The following INPP5A variants were observed in gnomAD, a reference collection of about 807,000 sequenced individuals.
The protein encoded by INPP5A is 43 kDa inositol polyphosphate 5-phophatase.
A neutral mutation model predicts 65.2 loss-of-function variants in INPP5A; 14 were observed. The ratio of observed to expected loss-of-function variants is 0.21; its 90% CI spans 0.14 to 0.34. The LOEUF is 0.34. Among genes scored for constraint, INPP5A ranks in the 10% least tolerant of loss-of-function variants. The probability of loss-of-function intolerance (pLI) is 1.00; values close to 1 mark genes in which losing one functional copy is unlikely to be tolerated. For missense variants in INPP5A, 431 were observed against 545.6 expected (o/e 0.79, Z 2.09); for synonymous variants, 207 against 208.3 (o/e 0.99, Z 0.05).
In INPP5A at chr10:132,676,558, A is replaced by G. The variant is rs1204678570; in HGVS notation, c.307-13834A>G. ...AGGTCCATGATAATGGGCTGAACAC[A>G]AGCAGGTGACTGTGTGGGACAGGGC... On this transcript the variant is annotated intron_variant, in intron 4 of 15. Coordinates refer to ENST00000368594, the MANE Select transcript of INPP5A (RefSeq NM_005539.5). The surrounding 1 kb of genome is among the most constrained non-coding windows in gnomAD (Gnocchi z 4.0). Among the ~76,000 whole-genome samples the G allele has an allele frequency of 6.6e-6, 1 of 152,166 alleles. No individual in the cohort carries two copies. Among genetic ancestry groups the G allele is most frequent in the East Asian group, 1.9e-4 (1 of 5,186 alleles).
At chr10:132,629,696 C>T (rs959083846) in intron 2 of INPP5A, among the ~76,000 whole-genome samples, 7 of 152,238 alleles carry the variant, frequency 4.6e-5, no homozygotes, top group East Asian at 1.9e-4. Context: ...GCATTCCACA[C>T]GTGAGCATCC....
At chr10:132,539,080 C>CCCTGAATCCTGAAT (rs1443713437) in intron 1 of INPP5A, among the ~76,000 whole-genome samples, 3 of 152,162 alleles carry the variant, frequency 2.0e-5, no homozygotes, top group East Asian at 3.9e-4. Flanking sequence ...AAGCTCCTGC[C>CCCTGAATCCTGAAT]CCTGAATCCT....
chr10:132,639,460 T>A (rs182580779), intron 2 of INPP5A, among the ~76,000 whole-genome samples: 1 of 152,334 alleles, frequency 6.6e-6, no homozygotes, highest in East Asian at 1.9e-4. Context: ...TTTCAGAAGT[T>A]TTTTCTATTA....
intron 4 of INPP5A, among the ~76,000 whole-genome samples, chr10:132,680,250 A>G (rs2073024598): frequency 6.6e-6 from 1 of 152,212 alleles, no homozygotes; most frequent in Admixed American, 6.5e-5. Context: ...CCGAAAACTC[A>G]ACAACAGCAA....
At chr10:132,708,639 C>T (rs975476436) in intron 7 of INPP5A, 13 of 543,348 alleles carry the variant, frequency 2.4e-5, no homozygotes, top group East Asian at 1.1e-4. Flanking sequence ...TGGAGAGTTC[C>T]GCTGGCCAGA....
chr10:132,710,555 G>T, intron 8 of INPP5A, 99 bp downstream of exon 8: 2 of 1,510,098 alleles, frequency 1.3e-6, no homozygotes, highest in Non-Finnish European at 8.9e-7. Context: ...AAGTAGGTAT[G>T]CTGGGCAGGT....
intron 11 of INPP5A, among the ~76,000 whole-genome samples, chr10:132,751,052 C>T (rs1846467125): frequency 6.6e-6 from 1 of 152,198 alleles, no homozygotes; most frequent in Admixed American, 6.5e-5. Flanking sequence ...ACGCCCAGCC[C>T]AGCGGACGCT....
intron 2 of INPP5A, among the ~76,000 whole-genome samples, chr10:132,613,534 ATTTTCTTGG>A (rs2071987930): frequency 6.6e-6 from 1 of 152,198 alleles, no homozygotes; most frequent in Non-Finnish European, 1.5e-5. Context: ...GCAAAACCAA[ATTTTCTTGG>A]TTTTCTTGGA....
At chr10:132,610,322 C>T (rs1008502059) in intron 2 of INPP5A, among the ~76,000 whole-genome samples, 4 of 152,316 alleles carry the variant, frequency 2.6e-5, no homozygotes, top group African/African-American at 9.6e-5. Flanking sequence ...AATCCTGGGT[C>T]CCCTCTGCCC....
chr10:132,656,367 T>C (rs188572446), intron 4 of INPP5A, among the ~76,000 whole-genome samples: 97 of 152,312 alleles, frequency 6.4e-4, no homozygotes, highest in Non-Finnish European at 7.2e-4. Context: ...TATCTGCTGA[T>C]ACAATTAAGA....
At chr10:132,779,147 G>A (rs1172818739) in intron 13 of INPP5A, among the ~76,000 whole-genome samples, 1 of 152,248 alleles carries the variant, frequency 6.6e-6, no homozygotes, top group Non-Finnish European at 1.5e-5. Context: ...CTGTGGGCAG[G>A]GCCTGTGCCC....
chr10:132,705,023 C>T lies in INPP5A; in HGVS notation c.475-3290C>T, dbSNP rs1299602032. Among the ~76,000 whole-genome samples, 2 of 151,968 alleles carry T rather than the reference C, an allele frequency of 1.3e-5. No individual in the cohort carries two copies. Among genetic ancestry groups the T allele is most frequent in the African/African-American group, 2.4e-5 (1 of 41,374 alleles). ...GGAGGATGGAGGAAGGGCGTCTGGA[C>T]AGGTGGCAGGCGGCTCGTCTGGAGT... On this transcript the variant is annotated intron_variant, in intron 6 of 15. Transcript: ENST00000368594. The surrounding 1 kb of genome is among the most constrained non-coding windows in gnomAD (Gnocchi z 4.9).
In INPP5A at chr10:132,753,397, G is replaced by A. The variant is rs184732154; in HGVS notation, c.903+3552G>A. Among the ~76,000 whole-genome samples, 228 of 152,298 alleles carry A rather than the reference G, an allele frequency of 1.5e-3. No individual in the cohort carries two copies. The highest frequency in any genetic ancestry group is 5.1e-3 in the African/African-American group (212 of 41,556). The stretch of plus-strand genomic sequence containing the variant: ...AAGTCCATTGCATCCTTCATCAACC[G>A]CCGGTCTTGTACCCGTCTGACAGAA... On this transcript the variant is annotated intron_variant, in intron 11 of 15. Coordinates refer to ENST00000368594, the MANE Select transcript of INPP5A (RefSeq NM_005539.5). This position sits in a 1 kb window ranked among gnomAD's most constrained non-coding sequence, Gnocchi z 5.3.
At chr10:132,689,262 G>A (rs1231047775) in intron 4 of INPP5A, among the ~76,000 whole-genome samples, 1 of 152,158 alleles carries the variant, frequency 6.6e-6, no homozygotes, top group Non-Finnish European at 1.5e-5. Flanking sequence ...TCTTCCCTGT[G>A]GAAGGCCCTG....
At chr10:132,584,263 T>C (rs2071521307) in intron 1 of INPP5A, among the ~76,000 whole-genome samples, 1 of 152,224 alleles carries the variant, frequency 6.6e-6, no homozygotes, top group South Asian at 2.1e-4. Flanking sequence ...CACTAACCAT[T>C]TGGAAAGTGT....
rs1479093703 is a variant in INPP5A at position 132,749,546 on chromosome 10, G to A, written c.762G>A (p.Thr254=). The change falls in exon 10 of 16, where the codon ACG becomes ACA. Residue 254 remains threonine (T), a synonymous_variant. Transcript: ENST00000368594. ...TCTGCACAAAAGCCACCATGCAGACGGTCCGGGCCGCCGACACCAATGAAG... is the reference window on the plus strand; with the variant it reads ...TCTGCACAAAAGCCACCATGCAGACAGTCCGGGCCGCCGACACCAATGAAG... ...ETLCTKATMQ[T]VRAADTNEVV... is the part of the protein sequence containing the mutation. 3.7e-6 allele frequency: 6 copies of A among 1,612,980 alleles called. No homozygotes were observed. The highest frequency in any genetic ancestry group is 1.1e-5 in the South Asian group (1 of 91,088).
intron 1 of INPP5A, among the ~76,000 whole-genome samples, chr10:132,576,346 C>T (rs1278301882): frequency 4.6e-5 from 7 of 152,220 alleles, no homozygotes; most frequent in East Asian, 1.9e-4. Flanking sequence ...GTTCAGAATG[C>T]GGGCTTGGAC....
chr10:132,699,504 G>C (rs1845402929), intron 6 of INPP5A, among the ~76,000 whole-genome samples: 1 of 152,196 alleles, frequency 6.6e-6, no homozygotes, highest in African/African-American at 2.4e-5. Flanking sequence ...TTGCTGTCCA[G>C]GGCCGTGGCC....
chr10:132,759,715 C>T (rs1846696239), intron 11 of INPP5A, among the ~76,000 whole-genome samples: 1 of 151,980 alleles, frequency 6.6e-6, no homozygotes, highest in Non-Finnish European at 1.5e-5. Context: ...GCCCTCCTCA[C>T]CCTGCAGGAG....
Sources: allele counts gnomAD v4.1 joint callset (sites outside exome capture counted in the v4.1 genomes callset), GRCh38; gene constraint gnomAD v4.1.1; non-coding constraint Gnocchi (gnomAD v3.1); transcripts MANE v1.5; gene names NCBI Gene and HGNC (gene_info 2026-07-23, HGNC 2026-07-21).